BTBD9: variants seen among roughly 807,000 people sequenced by gnomAD.
BTBD9 encodes the protein BTB domain containing 9.
A neutral mutation model predicts 64.3 loss-of-function variants in BTBD9; 49 were observed. The observed-to-expected ratio is 0.76, with a 90% CI of 0.61 to 0.97. BTBD9 has a LOEUF of 0.97. BTBD9 is among the 50% of genes least tolerant of loss of function. BTBD9 has a pLI of 0.00. For missense variants in BTBD9, 598 were observed against 762.1 expected (o/e 0.78, Z 2.53); for synonymous variants, 260 against 274.7 (o/e 0.95, Z 0.53).
intron 6 of BTBD9, among the ~76,000 whole-genome samples, chr6:38,430,867 AATCCTGTGCCAACCCAATGG>A: frequency 6.6e-6 from 1 of 151,926 alleles, no homozygotes; most frequent in East Asian, 1.9e-4. Context: ...GCTATCAATT[AATCCTGTGCCAACCCAATGG>A]TCAGGTCTGT....
intron 9 of BTBD9, among the ~76,000 whole-genome samples, chr6:38,224,374 A>AT (rs2127511075): frequency 6.6e-6 from 1 of 152,296 alleles, no homozygotes; most frequent in South Asian, 2.1e-4. Flanking sequence ...CTAATCTCAG[A>AT]TATGGCCATG....
intron 1 of BTBD9, among the ~76,000 whole-genome samples, chr6:38,619,623 C>T (rs964000692): frequency 6.6e-6 from 1 of 152,140 alleles, no homozygotes; most frequent in Non-Finnish European, 1.5e-5. Flanking sequence ...CTGGGGAAAG[C>T]ACCAGCTCAT....
At chr6:38,458,839 A>C (rs891411569) in intron 6 of BTBD9, among the ~76,000 whole-genome samples, 2 of 152,108 alleles carry the variant, frequency 1.3e-5, no homozygotes, top group Non-Finnish European at 2.9e-5. Context: ...CCCTCCTTAT[A>C]ACAAATGAGA....
chr6:38,308,594 CAG>C (rs1198243693), intron 7 of BTBD9, among the ~76,000 whole-genome samples: 1 of 151,976 alleles, frequency 6.6e-6, no homozygotes, highest in Non-Finnish European at 1.5e-5. Flanking sequence ...TTAAAATCAA[CAG>C]AGTTTTGTTT....
intron 6 of BTBD9, among the ~76,000 whole-genome samples, chr6:38,500,196 A>G (rs1346706541): frequency 1.3e-5 from 2 of 151,292 alleles, no homozygotes; most frequent in African/African-American, 4.9e-5. Context: ...CCAAAGGCAA[A>G]CCAATAACAA....
At chr6:38,587,695 T>C (rs774937107) in intron 4 of BTBD9, 10 of 634,862 alleles carry the variant, frequency 1.6e-5, no homozygotes, top group Non-Finnish European at 1.8e-5. Flanking sequence ...ATTGGATAGC[T>C]TGGAACCACC....
intron 6 of BTBD9, among the ~76,000 whole-genome samples, chr6:38,528,016 G>A (rs1167001343): frequency 1.3e-5 from 2 of 152,114 alleles, no homozygotes; most frequent in East Asian, 1.9e-4. Flanking sequence ...ACTGAAGAGG[G>A]TAGGAAAGAC....
At chr6:38,319,171 G>A (rs1763138345) in intron 7 of BTBD9, among the ~76,000 whole-genome samples, 1 of 152,062 alleles carries the variant, frequency 6.6e-6, no homozygotes, top group Non-Finnish European at 1.5e-5. Context: ...GTTCCCCTCT[G>A]GACTAGAGTA....
intron 8 of BTBD9, among the ~76,000 whole-genome samples, chr6:38,262,308 C>T (rs1410876621): frequency 6.6e-6 from 1 of 152,150 alleles, no homozygotes; most frequent in Non-Finnish European, 1.5e-5. Flanking sequence ...AAGTTGCTGG[C>T]CAAGATTTAT....
intron 8 of BTBD9, among the ~76,000 whole-genome samples, chr6:38,287,231 C>T (rs1260204858): frequency 6.6e-6 from 1 of 151,906 alleles, no homozygotes; most frequent in South Asian, 2.1e-4. Context: ...CACTCACTGA[C>T]TCACCCAGAG....
Position 38,327,916 on chromosome 6 carries a change from T to C in BTBD9, c.1264+17068A>G, listed in dbSNP as rs931163921. On this transcript the variant is annotated intron_variant, in intron 7 of 10. Transcript: ENST00000481247. The stretch of plus-strand genomic sequence containing the variant: ...GAAATTACCCTGTCTCACCCAGAAA[T>C]AGGACTTTTCTTAGTTTAGTGGCTA... Among the ~76,000 whole-genome samples, 12 of 152,166 alleles carry C rather than the reference T, an allele frequency of 7.9e-5. 1 individual carries two copies. The highest frequency in any genetic ancestry group is 2.9e-4 in the African/African-American group (12 of 41,424).
At chr6:38,510,545 CTT>C (rs35830315) in intron 6 of BTBD9, among the ~76,000 whole-genome samples, 10,330 of 152,146 alleles carry the variant, frequency 0.068, 405 homozygotes, top group East Asian at 0.18. Context: ...AGTAATTAAA[CTT>C]AGCTTACTGA....
intron 6 of BTBD9, among the ~76,000 whole-genome samples, chr6:38,351,509 T>TTTTG (rs1764511441): frequency 7.3e-6 from 1 of 137,438 alleles, no homozygotes; most frequent in Non-Finnish European, 1.6e-5. Flanking sequence ...TTGTTGTTGT[T>TTTTG]TTTTTTTTTT....
chr6:38,579,350 T>G (rs1776190073), intron 5 of BTBD9, among the ~76,000 whole-genome samples: 1 of 152,206 alleles, frequency 6.6e-6, no homozygotes, highest in African/African-American at 2.4e-5. Context: ...TGCCCAGATC[T>G]GAAGAGGCAT....
At chr6:38,604,771 G>T (rs1226672072) in intron 1 of BTBD9, among the ~76,000 whole-genome samples, 1 of 152,122 alleles carries the variant, frequency 6.6e-6, no homozygotes, top group African/African-American at 2.4e-5. Flanking sequence ...CAAATAATTG[G>T]CTATGTGCTC....
In BTBD9 at chr6:38,499,443, A is replaced by G. The variant is rs952508657; in HGVS notation, c.1154+78157T>C. ...GGAACTTTATAGACAATAGCTAATTAATTGTCAAGCATTTAATGTAACAGG... is the reference window on the plus strand; with the variant it reads ...GGAACTTTATAGACAATAGCTAATTGATTGTCAAGCATTTAATGTAACAGG... On this transcript the variant is annotated intron_variant, in intron 6 of 10. Transcript: ENST00000481247. Among the ~76,000 whole-genome samples the G allele has an allele frequency of 2.6e-5, 4 of 152,236 alleles. No homozygotes were observed. The East Asian group carries it at 5.8e-4, about 22-fold the overall frequency.
At chr6:38,609,994 C>A (rs1357312587) in intron 1 of BTBD9, among the ~76,000 whole-genome samples, 1 of 152,130 alleles carries the variant, frequency 6.6e-6, no homozygotes, top group Non-Finnish European at 1.5e-5. Context: ...AATAAATATA[C>A]TGACACAAGA....
chr6:38,263,638 G>C (rs558498235), intron 8 of BTBD9, among the ~76,000 whole-genome samples: 2 of 152,168 alleles, frequency 1.3e-5, no homozygotes, highest in Non-Finnish European at 2.9e-5. Flanking sequence ...TTGATCACAG[G>C]CATACAGAAG....
intron 7 of BTBD9, among the ~76,000 whole-genome samples, chr6:38,328,058 A>G (rs936814214): frequency 6.6e-6 from 1 of 152,242 alleles, no homozygotes; most frequent in African/African-American, 2.4e-5. Flanking sequence ...TTTAAAATTA[A>G]CTTTTTTCTG....
Sources: allele counts gnomAD v4.1 joint callset (sites outside exome capture counted in the v4.1 genomes callset), GRCh38; gene constraint gnomAD v4.1.1; transcripts MANE v1.5; gene names NCBI Gene and HGNC (gene_info 2026-07-23, HGNC 2026-07-21).